Variants in GRXCR1 observed in about 807,000 individuals in gnomAD.
GRXCR1 encodes the protein glutaredoxin domain-containing cysteine-rich protein 1.
A neutral mutation model predicts 27.3 loss-of-function variants in GRXCR1; 27 were observed. That is an observed-to-expected ratio of 0.99 (90% CI 0.73 to 1.37). The LOEUF is 1.37. GRXCR1 is among the 40% of genes most tolerant of loss of function. The pLI, the probability that GRXCR1 is intolerant of heterozygous loss-of-function variation, is 0.00. For synonymous variants in GRXCR1, 122 were observed against 131.1 expected (o/e 0.93, Z 0.47); for missense variants, 379 against 354.4 (o/e 1.07, Z -0.56).
In GRXCR1 at chr4:43,020,386, A is replaced by G. The variant is rs1423046782; in HGVS notation, c.660A>G (p.Ser220=). ...AGAAAATTTTGTCAATGAATGAATC[A>G]GGAGAACTGCAAGACATCCTAACCA... is the stretch of plus-strand genomic sequence containing the variant. The part of the protein sequence containing the change: ...GAEKILSMNE[S]GELQDILTKI... Residue 220 remains serine (S), a synonymous_variant, in exon 3 of 4, where the codon TCA becomes TCG. Transcript: ENST00000399770. 6.2e-7 allele frequency: 1 copy of G among 1,612,310 alleles called. No homozygotes were observed. The highest frequency in any genetic ancestry group is 1.1e-5 in the South Asian group (1 of 91,052).
rs139480344 is a variant in GRXCR1, at chr4:43,004,634, G to A, written c.628-15720G>A. Among the ~76,000 whole-genome samples, 10 of 152,334 alleles carry A rather than the reference G, an allele frequency of 6.6e-5. No homozygotes were observed. The East Asian group carries it at 1.9e-3, about 29-fold the overall frequency. ...GCCCTGGAGACATGTAGTCAAAGGAGATTATTTTGGAGCTTTAAGATTTCA... is the reference window on the plus strand; with the variant it reads ...GCCCTGGAGACATGTAGTCAAAGGAAATTATTTTGGAGCTTTAAGATTTCA... On this transcript the variant is annotated intron_variant, in intron 2 of 3. Transcript: ENST00000399770.
At chr4:42,974,078 AG>A (rs1225558534) in intron 2 of GRXCR1, among the ~76,000 whole-genome samples, 1 of 152,156 alleles carries the variant, frequency 6.6e-6, no homozygotes, top group African/African-American at 2.4e-5. Context: ...CTGAGACAGC[AG>A]GGTTTGCAGC....
At chr4:42,915,951 A>G (rs1451857146) in intron 1 of GRXCR1, among the ~76,000 whole-genome samples, 5 of 152,034 alleles carry the variant, frequency 3.3e-5, no homozygotes, top group Admixed American at 1.3e-4. Flanking sequence ...TAGAGTTACA[A>G]TGCCATCTTG....
At chr4:43,006,947 A>C (rs1248000984) in intron 2 of GRXCR1, among the ~76,000 whole-genome samples, 1 of 152,156 alleles carries the variant, frequency 6.6e-6, no homozygotes, top group African/African-American at 2.4e-5. Context: ...ACTTAAGGAA[A>C]ATAGAAAAGA....
At chr4:42,926,038 G>A (rs1330391374) in intron 1 of GRXCR1, among the ~76,000 whole-genome samples, 1 of 151,988 alleles carries the variant, frequency 6.6e-6, no homozygotes, top group Non-Finnish European at 1.5e-5. Context: ...TGTTTCCAAA[G>A]TGTTCTAACC....
At chr4:42,987,229 T>TTATATATATATATTATA (rs1349228105) in intron 2 of GRXCR1, among the ~76,000 whole-genome samples, 3 of 92,226 alleles carry the variant, frequency 3.3e-5, no homozygotes, top group African/African-American at 1.3e-4. Context: ...ATATTATATA[T>TTATATATATATATTATA]TATATATATA....
intron 3 of GRXCR1, among the ~76,000 whole-genome samples, chr4:43,026,912 C>G (rs893422336): frequency 6.6e-6 from 1 of 152,140 alleles, no homozygotes; most frequent in East Asian, 1.9e-4. Flanking sequence ...ATGGAAGTAG[C>G]CCGAGAATCT....
At chr4:42,911,581 AG>A (rs1269591273) in intron 1 of GRXCR1, among the ~76,000 whole-genome samples, 2 of 152,062 alleles carry the variant, frequency 1.3e-5, no homozygotes, top group African/African-American at 4.8e-5. Context: ...AAGGGCAACT[AG>A]GTTTCCAAGC....
intron 3 of GRXCR1, 79 bp downstream of exon 3, chr4:43,020,498 G>T: frequency 1.1e-6 from 1 of 889,894 alleles, no homozygotes; most frequent in South Asian, 1.4e-5. Context: ...TTTCCTAATT[G>T]AATTCTCTCT....
intron 2 of GRXCR1, among the ~76,000 whole-genome samples, chr4:42,965,342 T>C (rs1267724955): frequency 2.0e-5 from 3 of 152,042 alleles, no homozygotes; most frequent in African/African-American, 7.2e-5. Flanking sequence ...ATATTCCCCC[T>C]TCTTTTTTGC....
intron 2 of GRXCR1, among the ~76,000 whole-genome samples, chr4:42,984,171 T>G (rs1711601277): frequency 6.6e-6 from 1 of 152,236 alleles, no homozygotes; most frequent in African/African-American, 2.4e-5. Flanking sequence ...TATTCTGCTA[T>G]TAATGCCTCT....
chr4:42,957,963 C>T (rs1443730216), intron 1 of GRXCR1, among the ~76,000 whole-genome samples: 4 of 151,818 alleles, frequency 2.6e-5, no homozygotes, highest in Non-Finnish European at 4.4e-5. Context: ...TTCCTGGATG[C>T]TTTTAATGCT....
chr4:42,979,125 T>C (rs887265886), intron 2 of GRXCR1, among the ~76,000 whole-genome samples: 5 of 152,186 alleles, frequency 3.3e-5, no homozygotes, highest in Non-Finnish European at 7.4e-5. Flanking sequence ...TTTATAGCAG[T>C]GTGAGACAAT....
chr4:42,943,018 T>A (rs568404679), intron 1 of GRXCR1, among the ~76,000 whole-genome samples: 2 of 152,128 alleles, frequency 1.3e-5, no homozygotes, highest in South Asian at 4.1e-4. Context: ...AAGCCCTTAA[T>A]GGAAGGGCTG....
Position 42,990,382 on chromosome 4 carries a change from G to A in GRXCR1, c.627+27248G>A, listed in dbSNP as rs1295005053. Among the ~76,000 whole-genome samples the A allele has an allele frequency of 2.7e-5, 4 of 150,422 alleles. No individual in the cohort carries two copies. In the East Asian group the frequency reaches 5.9e-4, roughly 22 times the overall value. ...AATTTTTTGTATTTTTAGTAGAGACGGGGTTTCACCGTTTTAGCCGGGATG... is the reference window on the plus strand; with the variant it reads ...AATTTTTTGTATTTTTAGTAGAGACAGGGTTTCACCGTTTTAGCCGGGATG... On this transcript the variant is annotated intron_variant, in intron 2 of 3. Transcript: ENST00000399770.
intron 2 of GRXCR1, among the ~76,000 whole-genome samples, chr4:43,002,905 T>C (rs1269414802): frequency 6.6e-6 from 1 of 152,214 alleles, no homozygotes; most frequent in African/African-American, 2.4e-5. Flanking sequence ...GTAATCCCCA[T>C]GTGTCAAGGA....
At chr4:42,988,484 T>C (rs1178160490) in intron 2 of GRXCR1, among the ~76,000 whole-genome samples, 2 of 152,208 alleles carry the variant, frequency 1.3e-5, no homozygotes, top group Non-Finnish European at 2.9e-5. Flanking sequence ...GGTTTCCTTT[T>C]TCCTAGGTTC....
intron 1 of GRXCR1, among the ~76,000 whole-genome samples, chr4:42,944,329 A>C (rs1307187044): frequency 6.6e-6 from 1 of 152,070 alleles, no homozygotes; most frequent in Non-Finnish European, 1.5e-5. Flanking sequence ...AGCACAAGCG[A>C]GAAAAAAAGA....
chr4:42,945,969 A>G (rs1026770405), intron 1 of GRXCR1, among the ~76,000 whole-genome samples: 2 of 152,198 alleles, frequency 1.3e-5, no homozygotes, highest in African/African-American at 4.8e-5. Context: ...TGTTAAAATG[A>G]CAAGATAAGG....
Sources: allele counts gnomAD v4.1 joint callset (sites outside exome capture counted in the v4.1 genomes callset), GRCh38; gene constraint gnomAD v4.1.1; transcripts MANE v1.5; gene names NCBI Gene and HGNC (gene_info 2026-07-23, HGNC 2026-07-21).